The following SUPT3H variants were observed in gnomAD, a reference collection of about 807,000 sequenced individuals.
The protein encoded by SUPT3H is SPT3 homolog, SAGA and STAGA complex component, also known as transcription initiation protein SPT3 homolog.
A neutral mutation model predicts 44.3 loss-of-function variants in SUPT3H; 44 were observed. The ratio of observed to expected loss-of-function variants is 0.99; its 90% CI spans 0.78 to 1.28. SUPT3H has a LOEUF of 1.28. SUPT3H is among the 50% of genes most tolerant of loss of function. The pLI is 0.00. For synonymous variants in SUPT3H, 124 were observed against 125.6 expected (o/e 0.99, Z 0.09); for missense variants, 380 against 387.1 (o/e 0.98, Z 0.15).
intron 2 of SUPT3H, among the ~76,000 whole-genome samples, chr6:45,255,418 G>GTTTTTTTTTTTT (rs11394172): frequency 8.6e-6 from 1 of 116,234 alleles, no homozygotes; most frequent in African/African-American, 3.4e-5. Context: ...CCTATAATAG[G>GTTTTTTTTTTTT]TTTTTTTTTT....
chr6:45,318,462 T>C (rs932030520), intron 2 of SUPT3H, among the ~76,000 whole-genome samples: 1 of 152,150 alleles, frequency 6.6e-6, no homozygotes, highest in Non-Finnish European at 1.5e-5. Flanking sequence ...TTATTAAGTG[T>C]AGACCACCAA....
At chr6:44,867,757 C>T (rs183851759) in intron 10 of SUPT3H, among the ~76,000 whole-genome samples, 2 of 152,304 alleles carry the variant, frequency 1.3e-5, no homozygotes, top group Admixed American at 1.3e-4. Context: ...TAGCTGCTGG[C>T]TTAGGCAGGC....
chr6:45,005,888 T>A (rs1782651713), intron 5 of SUPT3H, among the ~76,000 whole-genome samples: 1 of 152,174 alleles, frequency 6.6e-6, no homozygotes, highest in Admixed American at 6.5e-5. Flanking sequence ...GTAAATGTTC[T>A]GTAGATATAT....
intron 10 of SUPT3H, among the ~76,000 whole-genome samples, chr6:44,882,984 G>A (rs1375077822): frequency 1.3e-5 from 2 of 152,170 alleles, no homozygotes; most frequent in Non-Finnish European, 1.5e-5. Context: ...GCAAGACAAG[G>A]ATGGCCTCTC....
chr6:44,878,350 C>A (rs1582155764), intron 10 of SUPT3H, among the ~76,000 whole-genome samples: 1 of 152,172 alleles, frequency 6.6e-6, no homozygotes, highest in South Asian at 2.1e-4. Flanking sequence ...AACCTAAACT[C>A]TTTTAAAAAC....
At chr6:45,144,483 C>T (rs536167425) in intron 2 of SUPT3H, among the ~76,000 whole-genome samples, 2 of 152,126 alleles carry the variant, frequency 1.3e-5, no homozygotes, top group African/African-American at 2.4e-5. Context: ...CTCAGCAAAA[C>T]TGACATAGAG....
At chr6:45,213,413 GA>G (rs770016367) in intron 2 of SUPT3H, among the ~76,000 whole-genome samples, 33 of 151,988 alleles carry the variant, frequency 2.2e-4, no homozygotes, top group Non-Finnish European at 4.4e-4. Flanking sequence ...ATTCACAGAA[GA>G]ACAAACATAA....
chr6:45,099,175 T>C lies in SUPT3H; in HGVS notation c.186+6747A>G. 2 of 279,306 alleles carry C rather than the reference T, an allele frequency of 7.2e-6. 1 individual carries two copies. The highest frequency in any genetic ancestry group is 7.2e-5 in the South Asian group (2 of 27,924). The allele number at this position is 279,306 out of a possible 1,614,324, so 17.3% of individuals were successfully genotyped here. ...TATTCACCTCAATGGGACCACCCTT[T>C]CCTTTCATGACAACTCCAGGATTAA... On this transcript the variant is annotated intron_variant, in intron 3 of 10. Transcript: ENST00000371459.
At chr6:44,901,602 G>A (rs201199432) in intron 10 of SUPT3H, among the ~76,000 whole-genome samples, 65,642 of 147,620 alleles carry the variant, frequency 0.44, 14,472 homozygotes, top group Admixed American at 0.54. Context: ...ACACTCTGCA[G>A]GATATTATCC....
At chr6:45,334,712 T>C (rs1205301449) in intron 2 of SUPT3H, among the ~76,000 whole-genome samples, 3 of 151,176 alleles carry the variant, frequency 2.0e-5, no homozygotes, top group Non-Finnish European at 4.5e-5. Context: ...TGAGTGTGAA[T>C]GCATTCACAC....
chr6:45,283,557 C>T (rs1175728491), intron 2 of SUPT3H, among the ~76,000 whole-genome samples: 1 of 151,922 alleles, frequency 6.6e-6, no homozygotes, highest in Non-Finnish European at 1.5e-5. Context: ...ACATATGCAC[C>T]CAATACAGGA....
intron 6 of SUPT3H, among the ~76,000 whole-genome samples, chr6:44,966,146 C>T (rs1776739999): frequency 6.6e-6 from 1 of 152,014 alleles, no homozygotes; most frequent in Non-Finnish European, 1.5e-5. Context: ...CTAATTCTAC[C>T]TTCTCCTCTG....
At chr6:45,260,288 A>C (rs899377724) in intron 2 of SUPT3H, among the ~76,000 whole-genome samples, 5 of 152,144 alleles carry the variant, frequency 3.3e-5, no homozygotes, top group African/African-American at 1.2e-4. Flanking sequence ...TTTCACATGG[A>C]AACTTCCAAA....
At chr6:45,309,354 G>A (rs1473832414) in intron 2 of SUPT3H, among the ~76,000 whole-genome samples, 1 of 151,332 alleles carries the variant, frequency 6.6e-6, no homozygotes, top group Non-Finnish European at 1.5e-5. Flanking sequence ...AAAACACGAT[G>A]AAATGAAATT....
chr6:45,207,331 G>C (rs1348130590), intron 2 of SUPT3H, among the ~76,000 whole-genome samples: 1 of 152,174 alleles, frequency 6.6e-6, no homozygotes, highest in Non-Finnish European at 1.5e-5. Flanking sequence ...AAGGTCAGTG[G>C]TGAACCTGAG....
At chr6:45,187,212 C>T (rs1319243601) in intron 2 of SUPT3H, among the ~76,000 whole-genome samples, 2 of 150,400 alleles carry the variant, frequency 1.3e-5, no homozygotes, top group African/African-American at 2.4e-5. Context: ...GTCAGGAGCT[C>T]GGGACCAGCC....
chr6:44,872,561 C>T (rs1284212590), intron 10 of SUPT3H, among the ~76,000 whole-genome samples: 1 of 151,968 alleles, frequency 6.6e-6, no homozygotes, highest in African/African-American at 2.4e-5. Context: ...AATGTAAAGA[C>T]CATCGAGGCT....
chr6:45,006,613 T>G (rs1477577381), intron 5 of SUPT3H, among the ~76,000 whole-genome samples: 1 of 152,130 alleles, frequency 6.6e-6, no homozygotes, highest in Non-Finnish European at 1.5e-5. Flanking sequence ...GGTAACATTT[T>G]CCCAATCAAG....
intron 2 of SUPT3H, among the ~76,000 whole-genome samples, chr6:45,126,979 A>T (rs1367198396): frequency 6.6e-6 from 1 of 152,166 alleles, no homozygotes; most frequent in Admixed American, 6.6e-5. Context: ...ACCTGACTTG[A>T]ATAATGCTGT....
Sources: allele counts gnomAD v4.1 joint callset (sites outside exome capture counted in the v4.1 genomes callset), GRCh38; gene constraint gnomAD v4.1.1; transcripts MANE v1.5; gene names NCBI Gene and HGNC (gene_info 2026-07-23, HGNC 2026-07-21).